TFEC: variants seen among roughly 807,000 people sequenced by gnomAD.
TFEC encodes transcription factor EC.
In TFEC, 31 loss-of-function variants were observed where a neutral mutation model predicts 41.6. That is an observed-to-expected ratio of 0.74 (90% CI 0.56 to 1.01). The LOEUF is 1.01. TFEC is among the 50% of genes least tolerant of loss of function. The pLI is 0.00. For synonymous variants in TFEC, 143 were observed against 140.6 expected, an observed-to-expected ratio of 1.02 and a Z score of -0.12; for missense variants, 402 against 404.1, an observed-to-expected ratio of 0.99 and a Z score of 0.04.
chr7:116,059,635 A>G (rs1024790791), intron 3 of TFEC, among the ~76,000 whole-genome samples: 1 of 152,034 alleles, frequency 6.6e-6, no homozygotes, highest in Non-Finnish European at 1.5e-5. Context: ...AGTGAAAAAA[A>G]TCAGGATTAG....
chr7:116,100,502 C>T (rs1006149047), intron 3 of TFEC, among the ~76,000 whole-genome samples: 2 of 151,952 alleles, frequency 1.3e-5, no homozygotes, highest in African/African-American at 4.8e-5. Flanking sequence ...AATTTGGTTA[C>T]CAGCTGGGGT....
chr7:116,043,826 A>G (rs1329719565), intron 3 of TFEC, among the ~76,000 whole-genome samples: 2 of 152,170 alleles, frequency 1.3e-5, no homozygotes, highest in South Asian at 2.1e-4. Flanking sequence ...TGCATATTCA[A>G]TCTACTTCAG....
intron 1 of TFEC, among the ~76,000 whole-genome samples, chr7:116,029,359 C>A (rs189915583): frequency 3.4e-4 from 51 of 152,156 alleles, no homozygotes; most frequent in Middle Eastern, 6.8e-3. Flanking sequence ...AAGATACTTG[C>A]AAGTGCACTG....
At chr7:116,035,289 A>G (rs912080476), upstream of TFEC, among the ~76,000 whole-genome samples, 1 of 151,768 alleles carries the variant, frequency 6.6e-6, no homozygotes. Context: ...ATACATTCTC[A>G]CTTTCTTTAG....
intron 3 of TFEC, among the ~76,000 whole-genome samples, chr7:116,079,101 C>A (rs1218315714): frequency 6.6e-6 from 1 of 151,968 alleles, no homozygotes; most frequent in East Asian, 1.9e-4. Context: ...TCCATAGACG[C>A]AGGAAAAACA....
At chr7:115,997,887 T>G (rs1021659686) in intron 1 of TFEC, among the ~76,000 whole-genome samples, 1 of 151,884 alleles carries the variant, frequency 6.6e-6, no homozygotes, top group Admixed American at 6.6e-5. Flanking sequence ...GACAGAATAT[T>G]TGAAAATACA....
At chr7:116,155,858 C>G (rs1027970809) in intron 1 of TFEC, among the ~76,000 whole-genome samples, 2 of 152,192 alleles carry the variant, frequency 1.3e-5, no homozygotes, top group African/African-American at 4.8e-5. Flanking sequence ...GCTCTCAGAT[C>G]AGCTTTACTG....
chr7:115,973,369 A>G (rs1793222392), intron 3 of TFEC, among the ~76,000 whole-genome samples: 1 of 152,026 alleles, frequency 6.6e-6, no homozygotes, highest in Admixed American at 6.6e-5. Context: ...ACAACTCAAT[A>G]TAGTCAGAAT....
intron 1 of TFEC, among the ~76,000 whole-genome samples, chr7:116,119,164 C>T (rs1449025610): frequency 6.6e-6 from 1 of 151,706 alleles, no homozygotes; most frequent in Non-Finnish European, 1.5e-5. Flanking sequence ...ATTAATGCTT[C>T]CCATTTTTAC....
At chr7:116,071,945 C>A (rs570435174) in intron 3 of TFEC, among the ~76,000 whole-genome samples, 2 of 151,488 alleles carry the variant, frequency 1.3e-5, no homozygotes, top group African/African-American at 4.8e-5. Context: ...ATGTGTATTT[C>A]TCAAAACAGA....
chr7:116,014,093 A>G (rs1257859436), intron 1 of TFEC, among the ~76,000 whole-genome samples: 2 of 152,098 alleles, frequency 1.3e-5, no homozygotes, highest in Admixed American at 6.6e-5. Flanking sequence ...GTTTCTTGAG[A>G]TCATCTTTAC....
rs185059864 is a variant in TFEC at position 116,048,241 on chromosome 7, T to G, written c.198+62467A>C. Among the ~76,000 whole-genome samples the G allele has an allele frequency of 2.1e-3, 314 of 152,308 alleles. 2 individuals are homozygous for G. Among genetic ancestry groups the G allele is most frequent in the African/African-American group, 7.2e-3 (301 of 41,564 alleles). ...GAAGCTAAAAACCTTGAAAAAAGAT[T>G]AGACGAATGGCTAACTAGAATAACC... On this transcript the variant is annotated intron_variant, in intron 3 of 8. Transcript: ENST00000484212.
intron 3 of TFEC, among the ~76,000 whole-genome samples, chr7:116,064,082 G>T (rs537777749): frequency 6.6e-6 from 1 of 152,090 alleles, no homozygotes; most frequent in Non-Finnish European, 1.5e-5. Context: ...GATGGAGCGG[G>T]GGGGCAGTTA....
At position 115,941,983 on chromosome 7, in the gene TFEC, C is replaced by A; in HGVS notation, c.573G>T (p.Trp191Cys). Residue 191 changes from tryptophan to cysteine, a missense_variant, in exon 7 of 8, where the codon TGG (tryptophan) becomes TGT (cysteine). Physicochemically the swap from Trp to Cys is radical, Grantham distance 215. Coordinates refer to ENST00000265440, the MANE Select transcript of TFEC (RefSeq NM_012252.4). ...GGGCTCTCTGTTGTTCTTTTTGTAG[C>A]CACTTGATGTACTCCACTGATGCTT... The part of the protein sequence containing the change: ...ILKASVEYIK[W>C]LQKEQQRARE... 6.2e-7 allele frequency: 1 copy of A among 1,613,022 alleles called. No homozygotes were observed. Among genetic ancestry groups the A allele is most frequent in the Non-Finnish European group, 8.5e-7 (1 of 1,179,350 alleles).
At chr7:116,106,110 A>G (rs528253929) in intron 3 of TFEC, among the ~76,000 whole-genome samples, 1 of 152,292 alleles carries the variant, frequency 6.6e-6, no homozygotes, top group South Asian at 2.1e-4. Flanking sequence ...CACAGGGCTG[A>G]CATATGACGT....
At chr7:116,025,181 A>G (rs1000922898) in intron 1 of TFEC, among the ~76,000 whole-genome samples, 1 of 152,150 alleles carries the variant, frequency 6.6e-6, no homozygotes, top group Non-Finnish European at 1.5e-5. Context: ...TTATGCAAGG[A>G]GCTGCTTTTT....
chr7:116,118,431 A>G (rs1798038453), intron 1 of TFEC, among the ~76,000 whole-genome samples: 1 of 151,844 alleles, frequency 6.6e-6, no homozygotes, highest in African/African-American at 2.4e-5. Context: ...AAAAATAATG[A>G]GCTCATTGTG....
At chr7:116,033,183 T>C (rs1478510563), upstream of TFEC, among the ~76,000 whole-genome samples, 4 of 151,984 alleles carry the variant, frequency 2.6e-5, no homozygotes, top group African/African-American at 9.7e-5. Flanking sequence ...ACTCCTCGCA[T>C]TTAAATGGTC....
rs1261404648 is a variant in TFEC, at chr7:115,936,148, T to C, written c.*4403A>G. 5 of 151,552 alleles carry C rather than the reference T, an allele frequency of 3.3e-5. No individual in the cohort carries two copies. The South Asian group carries it at 6.2e-4, about 19-fold the overall frequency. The allele number at this position is 151,552 out of a possible 1,614,324, so 9.4% of individuals were successfully genotyped here. ...TAAAATTCATACAAACAATAAAACA[T>C]TGGAACATCAATGCACAATGATTAC... On this transcript the variant is annotated 3_prime_UTR_variant, in exon 8 of 8. Coordinates refer to ENST00000265440, the MANE Select transcript of TFEC (RefSeq NM_012252.4).
Sources: gnomAD v4.1 joint callset for allele counts (sites outside exome capture counted in the v4.1 genomes callset) on GRCh38, gnomAD v4.1.1 for gene constraint, MANE v1.5 for transcripts, NCBI Gene and HGNC (gene_info 2026-07-23, HGNC 2026-07-21) for gene names.